PDZD2: variants seen among roughly 807,000 people sequenced by gnomAD.
PDZD2 encodes PDZ domain containing 2.
A neutral mutation model predicts 220.7 loss-of-function variants in PDZD2; 90 were observed. The observed-to-expected ratio is 0.41, with a 90% confidence interval of 0.34 to 0.49. PDZD2 has a LOEUF of 0.49. PDZD2 is among the 20% of genes least tolerant of loss of function. PDZD2 has a pLI of 0.28. For synonymous variants in PDZD2, 1,375 were observed against 1,450.5 expected (o/e 0.95, Z 1.18); for missense variants, 3,174 against 3,608.5 (o/e 0.88, Z 3.08).
At chr5:31,906,259 C>T (rs1045640390) in intron 2 of PDZD2, among the ~76,000 whole-genome samples, 3 of 138,672 alleles carry the variant, frequency 2.2e-5, no homozygotes, top group African/African-American at 5.3e-5. Flanking sequence ...TCCAAATGTT[C>T]GCTGATTTTG....
At chr5:32,002,916 ACAC>A (rs1752355327) in intron 5 of PDZD2, among the ~76,000 whole-genome samples, 1 of 71,842 alleles carries the variant, frequency 1.4e-5, no homozygotes, top group South Asian at 5.2e-4. Flanking sequence ...CACCACACAC[ACAC>A]CACACACACC....
chr5:32,085,152 AC>A (rs1742321646), intron 19 of PDZD2, among the ~76,000 whole-genome samples: 1 of 150,054 alleles, frequency 6.7e-6, no homozygotes, highest in Admixed American at 6.6e-5. Context: ...ATAGGGTTTC[AC>A]CATGTTGGCC....
chr5:31,740,721 A>G (rs1482431876), intron 1 of PDZD2, among the ~76,000 whole-genome samples: 1 of 152,078 alleles, frequency 6.6e-6, no homozygotes, highest in African/African-American at 2.4e-5. Context: ...GTCCTCTTCA[A>G]TTAGGGCAAG....
chr5:32,088,834 A>G lies in PDZD2; in HGVS notation c.5386A>G (p.Arg1796Gly), dbSNP rs1407887957. ...LLQKPKMIAR[R>G]PIMAWFKEIN... ...ACAGAAACCAAAAATGATCGCTAGGAGGCCCATCATGGCCTGGTTTAAAGA... is the reference window on the plus strand; with the variant it reads ...ACAGAAACCAAAAATGATCGCTAGGGGGCCCATCATGGCCTGGTTTAAAGA... Residue 1796 changes from arginine to glycine, a missense_variant, in exon 20 of 25, where the codon AGG (arginine) becomes GGG (glycine). By Grantham distance (125) the Arg-to-Gly change is moderately radical (BLOSUM62 -2). This residue lies in a region of PDZD2 where 1,861 missense variants were observed against 2,001.0 expected (regional missense o/e 0.93). Coordinates refer to ENST00000438447, the MANE Select transcript of PDZD2 (RefSeq NM_178140.4). The surrounding 1 kb of genome is among the most constrained non-coding windows in gnomAD (Gnocchi z 4.6). The G allele has an allele frequency of 1.2e-6, 2 of 1,614,018 alleles. No individual in the cohort carries two copies.
At chr5:31,731,951 C>T (rs1749558193) in intron 1 of PDZD2, among the ~76,000 whole-genome samples, 1 of 152,222 alleles carries the variant, frequency 6.6e-6, no homozygotes, top group African/African-American at 2.4e-5. Flanking sequence ...AGCTCCTGGG[C>T]TGCCATTAGG....
rs2111647307 is a variant in PDZD2, at chr5:32,098,062, T to C, written c.7948-302T>C. ...TGAGGTCAGGAGTTTGAGACCAGCA[T>C]GGCCAACATGGTGAAACCCTGTCCG... is the stretch of plus-strand genomic sequence containing the variant. On this transcript the variant is annotated intron_variant, in intron 22 of 24. Transcript: ENST00000438447. This position sits in a 1 kb window ranked among gnomAD's most constrained non-coding sequence, Gnocchi z 4.1. Among the ~76,000 whole-genome samples, 1 of 152,262 alleles carries C rather than the reference T, an allele frequency of 6.6e-6. No individual in the cohort carries two copies. The highest frequency in any genetic ancestry group is 1.5e-5 in the Non-Finnish European group (1 of 68,010).
At chr5:32,044,589 G>GT (rs1242909082) in intron 7 of PDZD2, among the ~76,000 whole-genome samples, 2 of 152,138 alleles carry the variant, frequency 1.3e-5, no homozygotes, top group Non-Finnish European at 2.9e-5. Context: ...AATTCAATAC[G>GT]TTTTTGGCAG....
At chr5:31,835,077 G>T (rs1409983352) in intron 2 of PDZD2, among the ~76,000 whole-genome samples, 1 of 152,010 alleles carries the variant, frequency 6.6e-6, no homozygotes, top group Non-Finnish European at 1.5e-5. Context: ...TGATAGCCTC[G>T]TGAAGTGGAT....
At chr5:32,099,591 G>C (rs1338864471) in intron 23 of PDZD2, 2 of 152,224 alleles carry the variant, frequency 1.3e-5, no homozygotes, top group Admixed American at 1.3e-4. Flanking sequence ...GAAACACCTT[G>C]GTCATCAGAT....
At chr5:31,867,670 A>AG (rs1475067480) in intron 2 of PDZD2, among the ~76,000 whole-genome samples, 1 of 152,176 alleles carries the variant, frequency 6.6e-6, no homozygotes, top group African/African-American at 2.4e-5. Flanking sequence ...GACAAGAAAA[A>AG]GCCTTTCCTT....
chr5:31,646,102 A>G lies in PDZD2; in HGVS notation c.-361+6665A>G, dbSNP rs1745127345. On this transcript the variant is annotated intron_variant, in intron 1 of 24. Transcript: ENST00000438447. This position sits in a 1 kb window ranked among gnomAD's most constrained non-coding sequence, Gnocchi z 4.7. ...GGAGATCTCAGGATACCTAGGCGGA[A>G]GAAAATAAACACCAACTCTTTTGTC... Among the ~76,000 whole-genome samples the G allele has an allele frequency of 6.6e-6, 1 of 152,156 alleles. No homozygotes were observed. The highest frequency in any genetic ancestry group is 1.5e-5 in the Non-Finnish European group (1 of 68,012).
intron 2 of PDZD2, chr5:31,923,344 C>T: frequency 2.2e-6 from 2 of 922,046 alleles, no homozygotes; most frequent in South Asian, 2.6e-5. Context: ...AAGGGGTCCT[C>T]CCTGTGCCAC....
intron 1 of PDZD2, among the ~76,000 whole-genome samples, chr5:31,786,881 T>TA (rs1372454218): frequency 6.6e-6 from 1 of 152,212 alleles, no homozygotes; most frequent in African/African-American, 2.4e-5. Flanking sequence ...GCTAAGAATT[T>TA]AAATACAGTA....
intron 1 of PDZD2, among the ~76,000 whole-genome samples, chr5:31,742,995 C>T (rs77698230): frequency 6.6e-6 from 1 of 151,096 alleles, no homozygotes; most frequent in East Asian, 1.9e-4. Context: ...AATTCAGAAA[C>T]TTTTCCAAAT....
chr5:32,110,242 A>C lies in PDZD2; in HGVS notation c.*2107A>C, dbSNP rs966119310. The C allele has an allele frequency of 6.6e-6, 1 of 152,662 alleles. No homozygotes were observed. The highest frequency in any genetic ancestry group is 6.5e-5 in the Admixed American group (1 of 15,284). The allele number at this position is 152,662 out of a possible 1,614,324, so 9.5% of individuals were successfully genotyped here. ...GGAATTTCTTGTGCAATGTGGAGCA[A>C]ATGGAATGGTCTCCTTCCGCAAGTC... On this transcript the variant is annotated 3_prime_UTR_variant, in exon 25 of 25. Transcript: ENST00000438447.
chr5:31,832,600 G>C (rs1756676338), intron 2 of PDZD2: 1 of 152,222 alleles, frequency 6.6e-6, no homozygotes, highest in Non-Finnish European at 1.5e-5. Context: ...CAGATCACCT[G>C]AGGTGAGGAA....
intron 6 of PDZD2, among the ~76,000 whole-genome samples, chr5:32,011,017 A>AC (rs1490096351): frequency 4.7e-5 from 7 of 150,274 alleles, no homozygotes; most frequent in African/African-American, 1.7e-4. Flanking sequence ...TCAAAAAAAA[A>AC]AAAAACAACA....
Position 32,000,259 on chromosome 5 carries a change from G to A in PDZD2, c.1242G>A (p.Val414=). The A allele has an allele frequency of 6.2e-7, 1 of 1,614,122 alleles. No individual in the cohort carries two copies. The highest frequency in any genetic ancestry group is 8.5e-7 in the Non-Finnish European group (1 of 1,179,992). The change falls in exon 5 of 25, where the codon GTG becomes GTA. Residue 414 remains valine (V), a synonymous_variant. Coordinates refer to ENST00000438447, the MANE Select transcript of PDZD2 (RefSeq NM_178140.4). This position sits in a 1 kb window ranked among gnomAD's most constrained non-coding sequence, Gnocchi z 4.5. ...CCGCCACGGGAATGGTGCAGCTTGT[G>A]GTGGCCAGCAAGGTAGGTCGTGTTT... ...LRSATGMVQL[V]VASKENSAED...
intron 1 of PDZD2, among the ~76,000 whole-genome samples, chr5:31,760,023 G>A (rs1278614594): frequency 6.6e-6 from 1 of 152,214 alleles, no homozygotes; most frequent in Non-Finnish European, 1.5e-5. Context: ...GAGCAGCTCA[G>A]GGGTGCAGCT....
Sources: allele counts gnomAD v4.1 joint callset (sites outside exome capture counted in the v4.1 genomes callset), GRCh38; gene constraint gnomAD v4.1.1; regional missense constraint gnomAD v4.1.1; non-coding constraint Gnocchi (gnomAD v3.1); transcripts MANE v1.5; gene names NCBI Gene and HGNC (gene_info 2026-07-23, HGNC 2026-07-21).